The following MLLT10 variants were observed in gnomAD, a reference collection of about 807,000 sequenced individuals.
MLLT10 encodes protein AF-10.
MLLT10 carries 30 observed loss-of-function variants against 129.1 expected under a neutral mutation model. That is an observed-to-expected ratio of 0.23 (90% confidence interval 0.17 to 0.32). The LOEUF is 0.32. Ranked by LOEUF, MLLT10 falls within the 10% of genes least tolerant of loss-of-function variation. MLLT10 has a pLI of 1.00. For missense variants in MLLT10, 1,119 were observed against 1,268.3 expected (o/e 0.88, Z 1.79); for synonymous variants, 490 against 446.4 (o/e 1.10, Z -1.23).
At chr10:21,544,032 T>C (rs995341271) in intron 3 of MLLT10, among the ~76,000 whole-genome samples, 1 of 152,260 alleles carries the variant, frequency 6.6e-6, no homozygotes, top group Non-Finnish European at 1.5e-5. Flanking sequence ...GTTTACTATG[T>C]GCCCACATAC....
At chr10:21,598,130 A>G (rs761305206) in intron 5 of MLLT10, among the ~76,000 whole-genome samples, 8 of 152,160 alleles carry the variant, frequency 5.3e-5, no homozygotes, top group Non-Finnish European at 1.2e-4. Flanking sequence ...TTTCTTTTAC[A>G]TTCATCAGTT....
chr10:21,543,032 C>T (rs1335386974), intron 3 of MLLT10, among the ~76,000 whole-genome samples: 1 of 151,726 alleles, frequency 6.6e-6, no homozygotes, highest in Non-Finnish European at 1.5e-5. Flanking sequence ...GATCTCGGCT[C>T]ACTGCAGCAT....
intron 9 of MLLT10, among the ~76,000 whole-genome samples, chr10:21,657,787 G>A (rs1194718551): frequency 6.6e-6 from 1 of 152,144 alleles, no homozygotes; most frequent in African/African-American, 2.4e-5. Flanking sequence ...CTAATTTTAA[G>A]TAAATCCTTT....
chr10:21,706,751 G>A (rs1482814497), intron 13 of MLLT10, among the ~76,000 whole-genome samples: 1 of 152,128 alleles, frequency 6.6e-6, no homozygotes, highest in Non-Finnish European at 1.5e-5. Context: ...CCAATCTTGT[G>A]TAATTGCATT....
chr10:21,574,381 TG>T (rs1487210406), intron 3 of MLLT10, among the ~76,000 whole-genome samples: 1 of 152,168 alleles, frequency 6.6e-6, no homozygotes, highest in Non-Finnish European at 1.5e-5. Flanking sequence ...GCTTGCAGAT[TG>T]TCAACTTTTT....
chr10:21,585,350 T>A lies in MLLT10; in HGVS notation c.241-944T>A, dbSNP rs1181266873. Among the ~76,000 whole-genome samples the A allele has an allele frequency of 2.6e-5, 4 of 152,216 alleles. No individual in the cohort carries two copies. In the South Asian group the frequency reaches 6.2e-4, roughly 24 times the overall value. ...CAGTGCCACTGAAACTTACTGTGTT[T>A]CATAAGAAGTGGTAGTACTGGCTCT... On this transcript the variant is annotated intron_variant, in intron 3 of 22. Coordinates refer to ENST00000307729, the MANE Select transcript of MLLT10 (RefSeq NM_001195626.3).
chr10:21,667,372 T>C (rs1589530842), intron 9 of MLLT10, among the ~76,000 whole-genome samples: 2 of 151,452 alleles, frequency 1.3e-5, no homozygotes, highest in Admixed American at 1.3e-4. Context: ...TGGGGGTTTT[T>C]TTTTTTTCAT....
intron 8 of MLLT10, among the ~76,000 whole-genome samples, chr10:21,646,375 A>G (rs187676391): frequency 7.2e-5 from 11 of 152,242 alleles, no homozygotes; most frequent in Admixed American, 3.9e-4. Flanking sequence ...TGTTATTATT[A>G]TAAACGTTTC....
chr10:21,604,245 T>A (rs2043843316), intron 5 of MLLT10, among the ~76,000 whole-genome samples: 1 of 152,204 alleles, frequency 6.6e-6, no homozygotes, highest in African/African-American at 2.4e-5. Context: ...CCAAATCTCA[T>A]CTTCTGAATC....
Position 21,614,942 on chromosome 10 carries a change from A to T in MLLT10, c.603+18A>T, listed in dbSNP as rs545745894. The T allele has an allele frequency of 6.4e-7, 1 of 1,554,592 alleles. No individual in the cohort carries two copies. Among genetic ancestry groups the T allele is most frequent in the East Asian group, 2.3e-5 (1 of 44,438 alleles). ...GTAAGCTGGTAAGAATTTCTCTTGG[A>T]TTTAATGAAATGATTATGATTAGTT... is the stretch of plus-strand genomic sequence containing the variant. On this transcript the variant is annotated intron_variant, in intron 7 of 22. Transcript: ENST00000307729.
intron 10 of MLLT10, 200 bp downstream of exon 10, chr10:21,670,904 A>G (rs539776460): frequency 8.1e-5 from 43 of 528,192 alleles, no homozygotes; most frequent in African/African-American, 7.5e-4. Flanking sequence ...CTTTCCTTTT[A>G]TAATATGATT....
chr10:21,741,619 A>C (rs1205354750), intron 22 of MLLT10, among the ~76,000 whole-genome samples: 1 of 152,196 alleles, frequency 6.6e-6, no homozygotes, highest in Non-Finnish European at 1.5e-5. Flanking sequence ...TAGCCCATAA[A>C]AATTTCATTC....
intron 8 of MLLT10, chr10:21,625,503 TC>T: frequency 2.1e-6 from 2 of 963,460 alleles, no homozygotes; most frequent in Non-Finnish European, 3.4e-6. Flanking sequence ...TAACTACATT[TC>T]CCCATACTTT....
chr10:21,708,575 T>C (rs990532149), intron 13 of MLLT10: 2 of 985,150 alleles, frequency 2.0e-6, no homozygotes, highest in South Asian at 9.4e-5. Flanking sequence ...TGTGTGTGTT[T>C]TTTTTTTACC....
intron 5 of MLLT10, among the ~76,000 whole-genome samples, chr10:21,597,339 A>G (rs2043117880): frequency 6.6e-6 from 1 of 152,102 alleles, no homozygotes; most frequent in African/African-American, 2.4e-5. Context: ...AAGAATCACA[A>G]ACTGCATTTT....
At chr10:21,548,615 C>T (rs2130936459) in intron 3 of MLLT10, among the ~76,000 whole-genome samples, 1 of 152,218 alleles carries the variant, frequency 6.6e-6, no homozygotes, top group Admixed American at 6.5e-5. Context: ...ATGATCCACT[C>T]ACCTTTGCCT....
chr10:21,720,253 G>C (rs1435389089), intron 14 of MLLT10, among the ~76,000 whole-genome samples: 1 of 152,214 alleles, frequency 6.6e-6, no homozygotes, highest in Non-Finnish European at 1.5e-5. Context: ...TTAGGGAGCA[G>C]TTTGGAGCAT....
chr10:21,570,334 A>C (rs1275809421), intron 3 of MLLT10, among the ~76,000 whole-genome samples: 1 of 152,042 alleles, frequency 6.6e-6, no homozygotes, highest in Non-Finnish European at 1.5e-5. Flanking sequence ...CGGCCTCCCA[A>C]AGTGCTGGGA....
intron 5 of MLLT10, among the ~76,000 whole-genome samples, chr10:21,597,039 A>G (rs2043087390): frequency 6.6e-6 from 1 of 151,916 alleles, no homozygotes; most frequent in African/African-American, 2.4e-5. Flanking sequence ...AGTGCTTTGG[A>G]AGTTCGTTTT....
Sources: gnomAD v4.1 joint callset for allele counts (sites outside exome capture counted in the v4.1 genomes callset) on GRCh38, gnomAD v4.1.1 for gene constraint, MANE v1.5 for transcripts, NCBI Gene and HGNC (gene_info 2026-07-23, HGNC 2026-07-21) for gene names.